Variants in CSRNP3 observed in about 807,000 individuals in gnomAD.
The protein encoded by CSRNP3 is cysteine/serine-rich nuclear protein 3.
CSRNP3 carries 12 observed loss-of-function variants against 48.0 expected under a neutral mutation model. That is an observed-to-expected ratio of 0.25 (90% CI 0.16 to 0.41). The LOEUF is 0.41. Ranked by LOEUF, CSRNP3 falls within the 10% of genes least tolerant of loss-of-function variation. The pLI, the probability that CSRNP3 is intolerant of heterozygous loss-of-function variation, is 1.00. For synonymous variants in CSRNP3, 263 were observed against 269.7 expected, an observed-to-expected ratio of 0.98 and a Z score of 0.24; for missense variants, 580 against 724.4, an observed-to-expected ratio of 0.80 and a Z score of 2.29.
At chr2:165,605,708 A>G (rs2105305567) in intron 4 of CSRNP3, among the ~76,000 whole-genome samples, 1 of 152,298 alleles carries the variant, frequency 6.6e-6, no homozygotes, top group African/African-American at 2.4e-5. Flanking sequence ...TAAAAAATTT[A>G]TAGGTCCAAC....
At chr2:165,654,901 A>T (rs1284804131) in intron 4 of CSRNP3, among the ~76,000 whole-genome samples, 2 of 152,232 alleles carry the variant, frequency 1.3e-5, no homozygotes, top group Non-Finnish European at 2.9e-5. Context: ...AAGTGTTGGG[A>T]TTACAGGCGT....
rs1687560783 is a variant in CSRNP3, at chr2:165,682,288, G to A, written c.*2535G>A. 6.6e-6 allele frequency: 1 copy of A among 151,798 alleles called. No individual in the cohort carries two copies. Among genetic ancestry groups the A allele is most frequent in the East Asian group, 1.9e-4 (1 of 5,160 alleles). 9.4% of individuals were successfully genotyped at this position (151,798 alleles called of 1,614,324 possible). On this transcript the variant is annotated 3_prime_UTR_variant, in exon 7 of 7. Coordinates refer to ENST00000651982, the MANE Select transcript of CSRNP3 (RefSeq NM_001172173.2). ...TTTTTTCCCCTATCCATTTATCTAG[G>A]GTAGAAAGTCACTGCCCTGTGAGAA...
intron 2 of CSRNP3, among the ~76,000 whole-genome samples, chr2:165,498,212 A>G (rs1293447717): frequency 6.6e-6 from 1 of 152,104 alleles, no homozygotes; most frequent in Non-Finnish European, 1.5e-5. Flanking sequence ...TCTTGGTGAC[A>G]TAATGCTGCT....
At chr2:165,660,481 C>G (rs771899661) in intron 5 of CSRNP3, among the ~76,000 whole-genome samples, 2 of 152,140 alleles carry the variant, frequency 1.3e-5, no homozygotes, top group Non-Finnish European at 2.9e-5. Context: ...TCTCTGGGGT[C>G]TGGTACTGTG....
At chr2:165,554,492 A>G (rs1008450205) in intron 3 of CSRNP3, among the ~76,000 whole-genome samples, 1 of 152,206 alleles carries the variant, frequency 6.6e-6, no homozygotes. Context: ...CTTACCCATC[A>G]TTCTGAAAAT....
intron 4 of CSRNP3, among the ~76,000 whole-genome samples, chr2:165,631,151 C>T (rs1441188647): frequency 1.3e-5 from 2 of 152,196 alleles, no homozygotes; most frequent in African/African-American, 2.4e-5. Flanking sequence ...ACATAAATCA[C>T]TGGTTCTTGG....
At chr2:165,596,887 A>T (rs573831047) in intron 4 of CSRNP3, among the ~76,000 whole-genome samples, 2 of 152,330 alleles carry the variant, frequency 1.3e-5, no homozygotes, top group Admixed American at 6.5e-5. Flanking sequence ...TTGGATACAG[A>T]CTATGCTCCA....
intron 1 of CSRNP3, among the ~76,000 whole-genome samples, chr2:165,480,894 A>G (rs1684032462): frequency 6.7e-6 from 1 of 149,396 alleles, no homozygotes; most frequent in African/African-American, 2.4e-5. Flanking sequence ...CATACCTGTA[A>G]TCTCTGCACT....
At chr2:165,564,123 T>C (rs1268936577) in intron 3 of CSRNP3, among the ~76,000 whole-genome samples, 1 of 152,074 alleles carries the variant, frequency 6.6e-6, no homozygotes, top group Non-Finnish European at 1.5e-5. Context: ...AGCAGCATAG[T>C]GTGTGATTTC....
chr2:165,650,763 T>G (rs1335772543), intron 4 of CSRNP3, among the ~76,000 whole-genome samples: 1 of 151,494 alleles, frequency 6.6e-6, no homozygotes, highest in Non-Finnish European at 1.5e-5. Context: ...CAATCTCATT[T>G]CACTTCTACT....
At chr2:165,494,348 T>A (rs772001686) in intron 1 of CSRNP3, among the ~76,000 whole-genome samples, 1 of 152,060 alleles carries the variant, frequency 6.6e-6, no homozygotes, top group Non-Finnish European at 1.5e-5. Context: ...AGACATACTC[T>A]AATCAGTATG....
chr2:165,587,650 T>G (rs1426566365), intron 3 of CSRNP3, among the ~76,000 whole-genome samples: 1 of 152,240 alleles, frequency 6.6e-6, no homozygotes, highest in Non-Finnish European at 1.5e-5. Flanking sequence ...AGTTCCTGTT[T>G]CCTGAGTTTT....
intron 6 of CSRNP3, 60 bp downstream of exon 6, chr2:165,676,668 G>A: frequency 1.3e-6 from 2 of 1,488,370 alleles, no homozygotes; most frequent in Non-Finnish European, 1.9e-6. Flanking sequence ...CCCCTAAGGA[G>A]GCAGTCATGG....
intron 2 of CSRNP3, among the ~76,000 whole-genome samples, chr2:165,516,120 A>T (rs1405735403): frequency 6.6e-6 from 1 of 151,834 alleles, no homozygotes; most frequent in Non-Finnish European, 1.5e-5. Flanking sequence ...ATATTTTATA[A>T]CTTTTTAAAG....
At chr2:165,595,021 G>C (rs1355630836) in intron 3 of CSRNP3, 22 bp from the exon 4 acceptor site, 11 of 1,606,724 alleles carry the variant, frequency 6.8e-6, no homozygotes, top group African/African-American at 1.3e-5. Context: ...TCAATGCTCT[G>C]TTGCTCTCCT....
At chr2:165,677,521 AAGAGGGC>A (rs1328464928) in intron 6 of CSRNP3, among the ~76,000 whole-genome samples, 1 of 152,104 alleles carries the variant, frequency 6.6e-6, no homozygotes, top group Non-Finnish European at 1.5e-5. Context: ...TAGTCAAAAG[AAGAGGGC>A]AGTGCCTATC....
intron 3 of CSRNP3, among the ~76,000 whole-genome samples, chr2:165,551,505 C>CA (rs1685095288): frequency 6.6e-6 from 1 of 152,282 alleles, no homozygotes; most frequent in South Asian, 2.1e-4. Context: ...TAAAAACTCT[C>CA]ACATGTGTCT....
intron 3 of CSRNP3, among the ~76,000 whole-genome samples, chr2:165,534,417 T>A (rs1220439284): frequency 1.3e-5 from 2 of 151,972 alleles, no homozygotes; most frequent in Non-Finnish European, 2.9e-5. Flanking sequence ...TATATATTAC[T>A]GGTGAACATG....
intron 4 of CSRNP3, among the ~76,000 whole-genome samples, chr2:165,597,293 A>C (rs1349196187): frequency 6.6e-6 from 1 of 152,188 alleles, no homozygotes; most frequent in Non-Finnish European, 1.5e-5. Flanking sequence ...GGCATTTCTA[A>C]TGTGCCCTAC....
Sources: allele counts gnomAD v4.1 joint callset (sites outside exome capture counted in the v4.1 genomes callset), GRCh38; gene constraint gnomAD v4.1.1; transcripts MANE v1.5; gene names NCBI Gene and HGNC (gene_info 2026-07-23, HGNC 2026-07-21).